Variants in ATRNL1 observed in about 807,000 individuals in gnomAD.
The protein encoded by ATRNL1 is attractin-like protein 1.
In ATRNL1, 95 loss-of-function variants were observed where a neutral mutation model predicts 182.7. The ratio of observed to expected loss-of-function variants is 0.52; its 90% CI spans 0.44 to 0.62. The LOEUF is 0.62. ATRNL1 is among the 20% of genes least tolerant of loss of function. The pLI is 0.00. For missense variants in ATRNL1, 1,471 were observed against 1,679.5 expected (o/e 0.88, Z 2.17); for synonymous variants, 576 against 568.3 (o/e 1.01, Z -0.19).
chr10:115,342,966 A>G (rs1300028275), intron 19 of ATRNL1, among the ~76,000 whole-genome samples: 1 of 152,078 alleles, frequency 6.6e-6, no homozygotes, highest in Non-Finnish European at 1.5e-5. Context: ...TAAGGTTTCC[A>G]CTGAACAGTC....
chr10:115,875,468 T>C (rs1951679820), intron 28 of ATRNL1, among the ~76,000 whole-genome samples: 1 of 152,154 alleles, frequency 6.6e-6, no homozygotes, highest in East Asian at 1.9e-4. Flanking sequence ...TCAGGGGCAC[T>C]TTTTCTAAGA....
rs368538038 is a variant in ATRNL1 at position 115,526,020 on chromosome 10, G to A, written c.3716+6696G>A. Among the ~76,000 whole-genome samples, 116 of 152,262 alleles carry A rather than the reference G, an allele frequency of 7.6e-4. 2 individuals are homozygous for A. In the East Asian group the frequency reaches 0.015, roughly 20 times the overall value. On this transcript the variant is annotated intron_variant, in intron 25 of 28. Coordinates refer to ENST00000355044, the MANE Select transcript of ATRNL1 (RefSeq NM_207303.4). ...CAGTCTGGCAGCCAAGAAAAGAAGT[G>A]GTGACAGTTTGTGAGGGGGCACCTG...
intron 21 of ATRNL1, among the ~76,000 whole-genome samples, chr10:115,431,401 T>TAAAA (rs3981285): frequency 3.6e-5 from 4 of 110,824 alleles, no homozygotes; most frequent in Admixed American, 1.0e-4. Context: ...AGAGTGAAAC[T>TAAAA]AAAAAAAAAA....
At chr10:115,405,839 C>T (rs1348873945) in intron 20 of ATRNL1, among the ~76,000 whole-genome samples, 1 of 105,638 alleles carries the variant, frequency 9.5e-6, no homozygotes, top group East Asian at 3.5e-4. Flanking sequence ...CTATCCCTCC[C>T]CCCTCCCCCC....
chr10:115,171,188 C>T lies in ATRNL1; in HGVS notation c.1244C>T (p.Ser415Leu). Residue 415 changes from serine (S) to leucine (L), a missense_variant, in exon 8 of 29, where the codon TCA (serine) becomes TTA (leucine). Ser to Leu is a moderately radical substitution (Grantham distance 145, BLOSUM62 -2). Around this residue, in one of 3 missense-constraint regions of ATRNL1, gnomAD observed 1,031 missense variants for 1,156.0 expected, o/e 0.89. Coordinates refer to ENST00000355044, the MANE Select transcript of ATRNL1 (RefSeq NM_207303.4). ...CAGCAGTATGCTGTGGAGGGACATT[C>T]AGCACATATTATGGAGTTGGATAGT... Reference protein sequence around the residue: ...HGQQYAVEGHSAHIMELDSRD... With the variant: ...HGQQYAVEGHLAHIMELDSRD... 1 of 1,611,356 alleles carries T rather than the reference C, an allele frequency of 6.2e-7. No homozygotes were observed. The highest frequency in any genetic ancestry group is 8.5e-7 in the Non-Finnish European group (1 of 1,178,232).
intron 19 of ATRNL1, among the ~76,000 whole-genome samples, chr10:115,364,660 C>T (rs1333790732): frequency 2.0e-5 from 3 of 151,066 alleles, no homozygotes; most frequent in African/African-American, 4.9e-5. Flanking sequence ...GTGGGTTTGT[C>T]ATAGATAGCT....
At chr10:115,773,193 A>G (rs1260569668) in intron 27 of ATRNL1, among the ~76,000 whole-genome samples, 14 of 152,228 alleles carry the variant, frequency 9.2e-5, no homozygotes, top group African/African-American at 3.4e-4. Flanking sequence ...CACATTGTAT[A>G]TAAAAGGAAA....
At chr10:115,215,965 C>A in intron 9 of ATRNL1, 85 bp downstream of exon 9, 1 of 1,068,666 alleles carries the variant, frequency 9.4e-7, no homozygotes, top group Non-Finnish European at 1.3e-6. Flanking sequence ...CATAGAAATA[C>A]TTACTTTATA....
At position 115,114,690 on chromosome 10, in the gene ATRNL1, A is replaced by T. The variant is rs140655530; in HGVS notation, c.294-5495A>T. Reference sequence around the variant, plus strand: ...AAATGCAGATCAAAACCACAATGGGATGTCATCTCATACCTCTTAAAATGG... The same window carrying T: ...AAATGCAGATCAAAACCACAATGGGTTGTCATCTCATACCTCTTAAAATGG... On this transcript the variant is annotated intron_variant, in intron 1 of 28. Transcript: ENST00000355044. Among the ~76,000 whole-genome samples the T allele has an allele frequency of 2.9e-3, 442 of 152,298 alleles. 2 individuals are homozygous for T. The East Asian group carries it at 0.036, about 12-fold the overall frequency.
chr10:115,430,269 C>A (rs1846093462), intron 21 of ATRNL1, among the ~76,000 whole-genome samples: 1 of 151,762 alleles, frequency 6.6e-6, no homozygotes, highest in African/African-American at 2.4e-5. Flanking sequence ...TTATTTTTTG[C>A]TATTTCATAG....
chr10:115,847,819 A>C, intron 27 of ATRNL1, 58 bp from the exon 28 acceptor site: 1 of 900,180 alleles, frequency 1.1e-6, no homozygotes, highest in East Asian at 2.4e-5. Flanking sequence ...ATAAGGTGAA[A>C]ATTAAAATAG....
At chr10:115,442,017 G>A (rs1362106399) in intron 21 of ATRNL1, among the ~76,000 whole-genome samples, 2 of 151,870 alleles carry the variant, frequency 1.3e-5, no homozygotes, top group African/African-American at 4.8e-5. Flanking sequence ...CTTTTTAGAA[G>A]CTTCCTTGTG....
chr10:115,816,517 C>G (rs553750367), intron 27 of ATRNL1, among the ~76,000 whole-genome samples: 2 of 151,928 alleles, frequency 1.3e-5, no homozygotes, highest in African/African-American at 2.4e-5. Flanking sequence ...TGTCATTAGC[C>G]AATGTCTTAT....
At chr10:115,778,560 A>G (rs1593203747) in intron 27 of ATRNL1, among the ~76,000 whole-genome samples, 1 of 152,188 alleles carries the variant, frequency 6.6e-6, no homozygotes, top group East Asian at 1.9e-4. Context: ...GAACGAACTA[A>G]ATCATATGCA....
intron 9 of ATRNL1, among the ~76,000 whole-genome samples, chr10:115,222,940 G>A (rs1008723626): frequency 6.6e-6 from 1 of 152,126 alleles, no homozygotes; most frequent in South Asian, 2.1e-4. Context: ...TAAATGCATG[G>A]TCCTAATAGC....
In ATRNL1 at chr10:115,273,256, A is replaced by T. The variant is rs536625553; in HGVS notation, c.2100+4812A>T. On this transcript the variant is annotated intron_variant, in intron 13 of 28. Coordinates refer to ENST00000355044, the MANE Select transcript of ATRNL1 (RefSeq NM_207303.4). The stretch of plus-strand genomic sequence containing the variant: ...CACTTTGTCCATGAGCCCGTTGGGT[A>T]ATGACACAGGTGGCTAGGGAAGAAG... Among the ~76,000 whole-genome samples, 3 of 152,310 alleles carry T rather than the reference A, an allele frequency of 2.0e-5. No homozygotes were observed. The East Asian group carries it at 5.8e-4, about 29-fold the overall frequency.
intron 28 of ATRNL1, among the ~76,000 whole-genome samples, chr10:115,866,086 CAA>C (rs1555104695): frequency 6.6e-6 from 1 of 151,978 alleles, no homozygotes; most frequent in Non-Finnish European, 1.5e-5. Flanking sequence ...AATTTTAAAA[CAA>C]GAGGATATAT....
At chr10:115,312,967 C>T (rs1266977578) in intron 17 of ATRNL1, among the ~76,000 whole-genome samples, 1 of 151,998 alleles carries the variant, frequency 6.6e-6, no homozygotes, top group Non-Finnish European at 1.5e-5. Flanking sequence ...ATGTGCCTTT[C>T]ATTTCCAGAA....
chr10:115,874,767 G>A (rs1320065381), intron 28 of ATRNL1, among the ~76,000 whole-genome samples: 2 of 152,186 alleles, frequency 1.3e-5, no homozygotes, highest in Admixed American at 1.3e-4. Flanking sequence ...GAGCAAAGGA[G>A]ACTCAGAAAT....
Sources: allele counts gnomAD v4.1 joint callset (sites outside exome capture counted in the v4.1 genomes callset), GRCh38; gene constraint gnomAD v4.1.1; regional missense constraint gnomAD v4.1.1; transcripts MANE v1.5; gene names NCBI Gene and HGNC (gene_info 2026-07-23, HGNC 2026-07-21).